Variants in SNTG1 observed in about 807,000 individuals in gnomAD.
SNTG1 encodes gamma-1-syntrophin.
A neutral mutation model predicts 74.7 loss-of-function variants in SNTG1; 39 were observed. The observed-to-expected ratio is 0.52, with a 90% CI of 0.40 to 0.68. SNTG1 has a LOEUF of 0.68. Ranked by LOEUF, SNTG1 falls within the 30% of genes least tolerant of loss-of-function variation. The probability of loss-of-function intolerance (pLI) is 0.00; values close to 1 mark genes in which losing one functional copy is unlikely to be tolerated. For missense variants in SNTG1, 685 were observed against 609.5 expected (o/e 1.12, Z -1.30); for synonymous variants, 254 against 217.1 (o/e 1.17, Z -1.49).
rs548084864 is a variant in SNTG1, at chr8:50,319,629, C to T, written c.-27-74583C>T. 9.9e-5 allele frequency among the ~76,000 whole-genome samples: 15 copies of T among 152,262 alleles called. No homozygotes were observed. The South Asian group carries it at 2.9e-3, about 29-fold the overall frequency. ...GTTGAATAATAGCGGTGAAAGTGGG[C>T]ATCCTTGTCATGTTCCAAATCTAAG... On this transcript the variant is annotated intron_variant, in intron 2 of 18. Transcript: ENST00000642720.
At chr8:50,787,060 G>A (rs1203873394) in intron 18 of SNTG1, among the ~76,000 whole-genome samples, 4 of 151,710 alleles carry the variant, frequency 2.6e-5, no homozygotes, top group African/African-American at 9.7e-5. Flanking sequence ...CTTGCAGATT[G>A]GCAGAAACAT....
chr8:50,783,196 C>A (rs2095665050), intron 18 of SNTG1, among the ~76,000 whole-genome samples: 1 of 152,220 alleles, frequency 6.6e-6, no homozygotes, highest in South Asian at 2.1e-4. Flanking sequence ...TCTCCAGCTG[C>A]CTGCTTGGAG....
chr8:50,730,368 A>G (rs1026727133), intron 17 of SNTG1, among the ~76,000 whole-genome samples: 8 of 152,112 alleles, frequency 5.3e-5, no homozygotes, highest in East Asian at 1.9e-4. Context: ...GTGAAAGCAC[A>G]TATCTCTTCA....
At chr8:50,565,080 A>G (rs1215736323) in intron 12 of SNTG1, among the ~76,000 whole-genome samples, 1 of 152,080 alleles carries the variant, frequency 6.6e-6, no homozygotes, top group African/African-American at 2.4e-5. Context: ...CCCCAAATCC[A>G]TAATCCTAGT....
intron 2 of SNTG1, among the ~76,000 whole-genome samples, chr8:50,356,357 G>A (rs945160281): frequency 3.3e-5 from 5 of 152,100 alleles, no homozygotes; most frequent in African/African-American, 9.7e-5. Context: ...CAGTACTGTT[G>A]TGGACAGAAC....
chr8:50,521,970 T>A (rs1242826392), intron 9 of SNTG1, among the ~76,000 whole-genome samples: 1 of 152,088 alleles, frequency 6.6e-6, no homozygotes, highest in Non-Finnish European at 1.5e-5. Context: ...CTCTTAATAT[T>A]GATATTTTTA....
chr8:50,435,660 C>T (rs560192053), intron 4 of SNTG1, among the ~76,000 whole-genome samples: 6 of 152,260 alleles, frequency 3.9e-5, no homozygotes, highest in African/African-American at 1.4e-4. Flanking sequence ...CACTAAGTAA[C>T]TTGTTTTGCC....
intron 18 of SNTG1, among the ~76,000 whole-genome samples, chr8:50,755,400 T>A (rs1365721189): frequency 6.6e-6 from 1 of 151,906 alleles, no homozygotes; most frequent in Non-Finnish European, 1.5e-5. Context: ...GTGGTATGAC[T>A]TTAAGTTTCT....
At chr8:50,563,186 C>G (rs1176227561) in intron 12 of SNTG1, among the ~76,000 whole-genome samples, 1 of 152,122 alleles carries the variant, frequency 6.6e-6, no homozygotes, top group East Asian at 1.9e-4. Context: ...CTGGCTGGCT[C>G]AGATCACACA....
intron 17 of SNTG1, among the ~76,000 whole-genome samples, chr8:50,741,907 A>G (rs73678651): frequency 0.015 from 2,310 of 152,096 alleles, 50 homozygotes; most frequent in African/African-American, 0.052. Context: ...TTCCAGGGCA[A>G]TGAAACTACT....
intron 2 of SNTG1, among the ~76,000 whole-genome samples, chr8:50,332,986 T>G (rs1174821143): frequency 6.6e-6 from 1 of 152,244 alleles, no homozygotes; most frequent in Non-Finnish European, 1.5e-5. Context: ...TGTAGCCTAA[T>G]GCAAATATGG....
intron 17 of SNTG1, among the ~76,000 whole-genome samples, chr8:50,748,172 G>T (rs1348594639): frequency 6.6e-6 from 1 of 151,924 alleles, no homozygotes; most frequent in Non-Finnish European, 1.5e-5. Context: ...ATATTACCAC[G>T]AGGAAAAGTT....
chr8:50,241,613 C>T (rs2086165814), intron 2 of SNTG1, among the ~76,000 whole-genome samples: 1 of 152,106 alleles, frequency 6.6e-6, no homozygotes. Flanking sequence ...GCCTTAAGTA[C>T]TGCTTTTAGG....
At chr8:50,414,416 G>A (rs574664669) in intron 4 of SNTG1, among the ~76,000 whole-genome samples, 1 of 152,182 alleles carries the variant, frequency 6.6e-6, no homozygotes, top group South Asian at 2.1e-4. Flanking sequence ...TTGGGTGATA[G>A]GAATGGTTTT....
chr8:50,386,408 G>A (rs1258879497), intron 2 of SNTG1, among the ~76,000 whole-genome samples: 1 of 149,706 alleles, frequency 6.7e-6, no homozygotes, highest in Non-Finnish European at 1.5e-5. Context: ...TATTTGCCCT[G>A]GTAAAAGATT....
chr8:50,600,223 G>A (rs2094762490), intron 13 of SNTG1, among the ~76,000 whole-genome samples: 1 of 151,742 alleles, frequency 6.6e-6, no homozygotes, highest in Middle Eastern at 3.2e-3. Flanking sequence ...GAGGATTTTT[G>A]CATCAGTTTT....
chr8:50,673,062 C>T (rs2095292661), intron 15 of SNTG1, among the ~76,000 whole-genome samples: 2 of 152,112 alleles, frequency 1.3e-5, no homozygotes, highest in South Asian at 4.1e-4. Context: ...CAGTACCATG[C>T]TGTTTTGGTT....
At chr8:50,747,718 C>A (rs1485624081) in intron 17 of SNTG1, 1 of 151,650 alleles carries the variant, frequency 6.6e-6, no homozygotes, top group Non-Finnish European at 1.5e-5. Flanking sequence ...TTTCACACTT[C>A]GTTCCTTCCT....
chr8:50,257,857 G>A (rs990777908), intron 2 of SNTG1, among the ~76,000 whole-genome samples: 1 of 152,126 alleles, frequency 6.6e-6, no homozygotes, highest in Non-Finnish European at 1.5e-5. Context: ...ATGCCCCTGG[G>A]TCTTGTCAAA....
Sources: gnomAD v4.1 joint callset for allele counts (sites outside exome capture counted in the v4.1 genomes callset) on GRCh38, gnomAD v4.1.1 for gene constraint, MANE v1.5 for transcripts, NCBI Gene and HGNC (gene_info 2026-07-23, HGNC 2026-07-21) for gene names.